Variants in FAM83C observed in about 807,000 individuals in gnomAD.
FAM83C encodes protein FAM83C.
FAM83C carries 23 observed loss-of-function variants against 27.1 expected under a neutral mutation model. The ratio of observed to expected loss-of-function variants is 0.85; its 90% CI spans 0.61 to 1.20. The LOEUF is 1.20. Ranked by LOEUF, FAM83C falls within the 50% of genes most tolerant of loss-of-function variation. The probability of loss-of-function intolerance (pLI) is 0.00; values close to 1 mark genes in which losing one functional copy is unlikely to be tolerated. For missense variants in FAM83C, 984 were observed against 1,001.3 expected, an observed-to-expected ratio of 0.98 and a Z score of 0.23; for synonymous variants, 426 against 423.1, an observed-to-expected ratio of 1.01 and a Z score of -0.09.
Position 35,286,206 on chromosome 20 carries a change from A to G in FAM83C, c.*329T>C. ...TTCTAACACCCTCTGTAACTGGTTA[A>G]CCTTTAACTTGATATGGCTCTGACC... On this transcript the variant is annotated 3_prime_UTR_variant, in exon 4 of 4. Coordinates refer to ENST00000374408, the MANE Select transcript of FAM83C (RefSeq NM_178468.6). 1 of 263,108 alleles carries G rather than the reference A, an allele frequency of 3.8e-6. No individual in the cohort carries two copies. The highest frequency in any genetic ancestry group is 7.2e-6 in the Non-Finnish European group (1 of 138,324). 16.3% of individuals were successfully genotyped at this position (263,108 alleles called of 1,614,324 possible).
In FAM83C at chr20:35,286,686, G is replaced by T; in HGVS notation, c.2093C>A (p.Pro698His). Residue 698 changes from proline (P) to histidine (H), a missense_variant, in exon 4 of 4, where the codon CCT becomes CAT. Physicochemically the swap from Pro to His is moderately conservative, Grantham distance 77 (BLOSUM62 -2). Coordinates refer to ENST00000374408, the MANE Select transcript of FAM83C (RefSeq NM_178468.6). ...GAGATGGCCACCCTTGGGACCCCCAGGCTCAGTTCCCTGCCTGGCCCCGTG... is the reference window on the plus strand; with the variant it reads ...GAGATGGCCACCCTTGGGACCCCCATGCTCAGTTCCCTGCCTGGCCCCGTG... The part of the protein sequence containing the change: ...QLHGARQGTE[P>H]GGPKGGHLNG... 6.2e-6 allele frequency: 10 copies of T among 1,614,126 alleles called. No individual in the cohort carries two copies. The highest frequency in any genetic ancestry group is 8.5e-6 in the Non-Finnish European group (10 of 1,180,016).
intron 3 of FAM83C, 66 bp from the exon 4 acceptor site, chr20:35,288,038 C>T: frequency 1.4e-6 from 2 of 1,391,038 alleles, no homozygotes; most frequent in South Asian, 1.4e-5. Flanking sequence ...GCAGGAGTCA[C>T]AGCCAGGGGT....
At chr20:35,289,987 GCCCAGCTCTGA>G in intron 1 of FAM83C, among the ~76,000 whole-genome samples, 1 of 152,266 alleles carries the variant, frequency 6.6e-6, no homozygotes, top group East Asian at 1.9e-4. Context: ...ACTAACTCCA[GCCCAGCTCTGA>G]CCCAGGGACT....
rs1311116147 is a variant in FAM83C at position 35,288,502 on chromosome 20, G to A, written c.765C>T (p.Phe255=). 4 of 1,614,182 alleles carry A rather than the reference G, an allele frequency of 2.5e-6. No homozygotes were observed. Among genetic ancestry groups the A allele is most frequent in the South Asian group, 1.1e-5 (1 of 91,080 alleles). The change falls in exon 3 of 4, where the codon TTC becomes TTT. Residue 255 remains phenylalanine, a synonymous_variant. Coordinates refer to ENST00000374408, the MANE Select transcript of FAM83C (RefSeq NM_178468.6). ...RRFTGQALEK[F]VLIDCEQVVA... The stretch of plus-strand genomic sequence containing the variant: ...CCACTTGCTCACAGTCAATGAGGAC[G>A]AACTTCTCCAGGGCCTGCCCCGTGA...
chr20:35,286,380 T>TGC lies in FAM83C; in HGVS notation c.*154_*155insGC. The TGC allele has an allele frequency of 1.6e-6, 1 of 619,082 alleles. No individual in the cohort carries two copies. The highest frequency in any genetic ancestry group is 2.8e-6 in the Non-Finnish European group (1 of 357,248). 38.3% of individuals were successfully genotyped at this position (619,082 alleles called of 1,614,324 possible). A position where few individuals can be genotyped will look rare whatever the true frequency, so the allele number is the denominator to read the frequency against. On this transcript the variant is annotated 3_prime_UTR_variant, in exon 4 of 4. Transcript: ENST00000374408. ...GTGTGTGTGTGTGTGTGTGTGTGTG[T>TGC]GTGTGTACACAAGAATCTTGAGCCC...
In FAM83C at chr20:35,287,519, G is replaced by A. The variant is rs1489348404; in HGVS notation, c.1260C>T (p.Tyr420=). ...GGGCAGGGGAGGACTGGGACCATGGGTATGCCCCTAGCTTGCCGAGATTGG... is the reference window on the plus strand; with the variant it reads ...GGGCAGGGGAGGACTGGGACCATGGATATGCCCCTAGCTTGCCGAGATTGG... The part of the protein sequence containing the change: ...YRANLGKLGA[Y]PWSQSSPALN... The change falls in exon 4 of 4, where the codon TAC becomes TAT. Residue 420 remains tyrosine, a synonymous_variant. Coordinates refer to ENST00000374408, the MANE Select transcript of FAM83C (RefSeq NM_178468.6). 4 of 1,614,036 alleles carry A rather than the reference G, an allele frequency of 2.5e-6. No homozygotes were observed. In the Admixed American group the frequency reaches 6.7e-5, roughly 27 times the overall value.
intron 1 of FAM83C, among the ~76,000 whole-genome samples, chr20:35,289,643 T>TA (rs1227585596): frequency 6.6e-6 from 1 of 150,538 alleles, no homozygotes; most frequent in African/African-American, 2.4e-5. Flanking sequence ...AGTCGCTAGT[T>TA]TTTTTTTAAT....
Position 35,287,634 on chromosome 20 carries a change from C to T in FAM83C, c.1145G>A (p.Gly382Asp). The change falls in exon 4 of 4, where the codon GGT becomes GAT. Residue 382 changes from glycine (G) to aspartate (D), a missense_variant. Coordinates refer to ENST00000374408, the MANE Select transcript of FAM83C (RefSeq NM_178468.6). ...SDTGVVSSSLGPARREASGQP... is the reference protein window; with the variant it reads ...SDTGVVSSSLDPARREASGQP... ...GCCACTGGCCTCACGGCGGGCAGGA[C>T]CCAGGGACGAGGACACCACACCCGT... is the stretch of plus-strand genomic sequence containing the variant. 1.2e-6 allele frequency: 2 copies of T among 1,613,924 alleles called. No homozygotes were observed. The highest frequency in any genetic ancestry group is 2.2e-5 in the South Asian group (2 of 91,074).
At chr20:35,291,072 C>G (rs1007752803) in intron 1 of FAM83C, among the ~76,000 whole-genome samples, 2 of 152,210 alleles carry the variant, frequency 1.3e-5, no homozygotes, top group African/African-American at 2.4e-5. Context: ...TTCTCTTTCT[C>G]CTGAGCTCCC....
chr20:35,291,680 C>T, intron 1 of FAM83C, 112 bp downstream of exon 1: 11 of 1,403,678 alleles, frequency 7.8e-6, no homozygotes, highest in Non-Finnish European at 1.1e-5. Context: ...GCCAGAGGTG[C>T]TGGTCCTCAT....
At position 35,291,822 on chromosome 20, in the gene FAM83C, C is replaced by A. The variant is rs1163412814; in HGVS notation, c.483G>T (p.Leu161=). 6.2e-7 allele frequency: 1 copy of A among 1,614,152 alleles called. No homozygotes were observed. Among genetic ancestry groups the A allele is most frequent in the South Asian group, 1.1e-5 (1 of 91,084 alleles). The change falls in exon 1 of 4, where the codon CTG becomes CTT. Residue 161 remains leucine, a synonymous_variant. Coordinates refer to ENST00000374408, the MANE Select transcript of FAM83C (RefSeq NM_178468.6). ...QRDKAKNIKD[L]LRFLFSQAHT... ...GGGCCTGGCTGAAAAGGAAGCGCAG[C>A]AGGTCCTTGATGTTCTTGGCCTTGT...
In FAM83C at chr20:35,286,574, CT is replaced by C. The variant is rs764846139; in HGVS notation, c.2204del (p.Lys735SerfsTer93). The C allele has an allele frequency of 6.2e-7, 1 of 1,613,962 alleles. No individual in the cohort carries two copies. The highest frequency in any genetic ancestry group is 8.5e-7 in the Non-Finnish European group (1 of 1,179,906). ...SKLDLITKYN[K>X]SKFKQLRSRF... ...GGCTTCGGAGCTGCTTGAACTTGGA[CT>C]TGTTGTACTTAGTGATGAGGTCCAG... On this transcript the variant is annotated frameshift_variant, in exon 4 of 4. Coordinates refer to ENST00000374408, the MANE Select transcript of FAM83C (RefSeq NM_178468.6). LOFTEE classifies it high-confidence loss of function.
At chr20:35,289,350 T>C (rs2060839872) in intron 1 of FAM83C, among the ~76,000 whole-genome samples, 1 of 151,882 alleles carries the variant, frequency 6.6e-6, no homozygotes, top group African/African-American at 2.4e-5. Context: ...TCTTTTCTTT[T>C]TTTTTTTTGA....
In FAM83C at chr20:35,286,728, G is replaced by T; in HGVS notation, c.2051C>A (p.Thr684Asn). 6.2e-7 allele frequency: 1 copy of T among 1,614,224 alleles called. No individual in the cohort carries two copies. The highest frequency in any genetic ancestry group is 2.2e-5 in the East Asian group (1 of 44,884). ...GGCCCCGTGCAACTGATGATACTTGGTGATGAGGTCCAGCTTGCTGTGGCC... is the reference window on the plus strand; with the variant it reads ...GGCCCCGTGCAACTGATGATACTTGTTGATGAGGTCCAGCTTGCTGTGGCC... ...TLGHSKLDLI[T>N]KYHQLHGARQ... Residue 684 changes from threonine (T) to asparagine (N), a missense_variant, in exon 4 of 4, where the codon ACC (threonine) becomes AAC (asparagine). Thr to Asn is a moderately conservative substitution (Grantham distance 65). Transcript: ENST00000374408.
At chr20:35,289,290 C>T (rs1179606551) in intron 1 of FAM83C, among the ~76,000 whole-genome samples, 1 of 152,110 alleles carries the variant, frequency 6.6e-6, no homozygotes, top group Non-Finnish European at 1.5e-5. Flanking sequence ...CCAACTCAGC[C>T]TCCCAAGTAG....
Position 35,287,750 on chromosome 20 carries a change from G to A in FAM83C, c.1029C>T (p.Pro343=). Residue 343 remains proline, a synonymous_variant, in exon 4 of 4, where the codon CCC becomes CCT. Coordinates refer to ENST00000374408, the MANE Select transcript of FAM83C (RefSeq NM_178468.6). The part of the protein sequence containing the change: ...PDVPSPTSSL[P]SSTSLSSIKQ... ...TGATGCTGCTGAGGCTGGTGCTGGAGGGCAGGGACGACGTGGGGCTTGGGA... is the reference window on the plus strand; with the variant it reads ...TGATGCTGCTGAGGCTGGTGCTGGAAGGCAGGGACGACGTGGGGCTTGGGA... 6.2e-7 allele frequency: 1 copy of A among 1,613,714 alleles called. No homozygotes were observed. The highest frequency in any genetic ancestry group is 8.5e-7 in the Non-Finnish European group (1 of 1,179,816).
In FAM83C at chr20:35,292,195, A is replaced by T. The variant is rs1398086065; in HGVS notation, c.110T>A (p.Leu37Gln). Residue 37 changes from leucine to glutamine, a missense_variant, in exon 1 of 4, where the codon CTG becomes CAG. By Grantham distance (113) the Leu-to-Gln change is moderately radical (BLOSUM62 -2). Coordinates refer to ENST00000374408, the MANE Select transcript of FAM83C (RefSeq NM_178468.6). ...AGCCGCCTCGCTGTGCCGCAGCACC[A>T]GCGGTGAGCTCTCCCGCCACCACGG... Reference protein sequence around the residue: ...KLPWWRESSPLVLRHSEAARL... With the variant: ...KLPWWRESSPQVLRHSEAARL... The T allele has an allele frequency of 6.3e-7, 1 of 1,594,748 alleles. No homozygotes were observed. Among genetic ancestry groups the T allele is most frequent in the Non-Finnish European group, 8.5e-7 (1 of 1,178,346 alleles).
chr20:35,290,608 T>G (rs1308193550), intron 1 of FAM83C, among the ~76,000 whole-genome samples: 1 of 151,836 alleles, frequency 6.6e-6, no homozygotes, highest in Non-Finnish European at 1.5e-5. Flanking sequence ...TCACTAGGAG[T>G]CATGACAGCC....
chr20:35,286,737 T>C lies in FAM83C; in HGVS notation c.2042A>G (p.Asp681Gly). The change falls in exon 4 of 4, where the codon GAC (aspartate) becomes GGC (glycine). Residue 681 changes from aspartate (D) to glycine (G), a missense_variant. Coordinates refer to ENST00000374408, the MANE Select transcript of FAM83C (RefSeq NM_178468.6). Reference sequence around the variant, plus strand: ...CAACTGATGATACTTGGTGATGAGGTCCAGCTTGCTGTGGCCCAGGGTTAG... The same window carrying C: ...CAACTGATGATACTTGGTGATGAGGCCCAGCTTGCTGTGGCCCAGGGTTAG... The part of the protein sequence containing the change: ...KRLTLGHSKL[D>G]LITKYHQLHG... 6.2e-7 allele frequency: 1 copy of C among 1,614,170 alleles called. No individual in the cohort carries two copies.
Sources: gnomAD v4.1 joint callset for allele counts (sites outside exome capture counted in the v4.1 genomes callset) on GRCh38, gnomAD v4.1.1 for gene constraint, MANE v1.5 for transcripts, NCBI Gene and HGNC (gene_info 2026-07-23, HGNC 2026-07-21) for gene names.